The following TMEM51 variants were observed in gnomAD, a reference collection of about 807,000 sequenced individuals.
The protein encoded by TMEM51 is transmembrane protein 51, also known as chromosome 1 open reading frame 72.
Under a neutral mutation model 13.6 loss-of-function variants are expected in TMEM51, and 8 were observed. The observed-to-expected ratio is 0.59, with a 90% CI of 0.35 to 1.07. TMEM51 has a LOEUF of 1.07. Ranked by LOEUF, TMEM51 falls within the 50% of genes least tolerant of loss-of-function variation. The pLI, the probability that TMEM51 is intolerant of heterozygous loss-of-function variation, is 0.02. For missense variants in TMEM51, 279 were observed against 330.7 expected, an observed-to-expected ratio of 0.84 and a Z score of 1.21; for synonymous variants, 147 against 144.4, an observed-to-expected ratio of 1.02 and a Z score of -0.13.
chr1:15,153,029 C>G (rs1052537432), upstream of TMEM51, among the ~76,000 whole-genome samples: 18 of 152,356 alleles, frequency 1.2e-4, no homozygotes, highest in Middle Eastern at 6.8e-3. Context: ...CGGAATGGGC[C>G]CCACCTGGGC....
chr1:15,180,348 G>C (rs999949428), intron 1 of TMEM51, among the ~76,000 whole-genome samples: 2 of 152,234 alleles, frequency 1.3e-5, no homozygotes, highest in African/African-American at 4.8e-5. Flanking sequence ...GCAGATCCTG[G>C]CCATGTGCCG....
chr1:15,165,433 A>T (rs1353381311), intron 1 of TMEM51, among the ~76,000 whole-genome samples: 1 of 152,232 alleles, frequency 6.6e-6, no homozygotes, highest in Non-Finnish European at 1.5e-5. Context: ...GAAATCTAAA[A>T]TGTTTTAAAA....
At chr1:15,209,891 T>C (rs1023554919) in intron 1 of TMEM51, among the ~76,000 whole-genome samples, 2 of 151,766 alleles carry the variant, frequency 1.3e-5, no homozygotes, top group Non-Finnish European at 2.9e-5. Context: ...ATTAGCCAGG[T>C]GTGGGGGTGT....
intron 1 of TMEM51, among the ~76,000 whole-genome samples, chr1:15,163,368 G>A (rs1349452010): frequency 2.6e-5 from 4 of 152,002 alleles, no homozygotes; most frequent in Non-Finnish European, 5.9e-5. Flanking sequence ...ACTTCTTAGA[G>A]TCAGCCTCTG....
Position 15,169,982 on chromosome 1 carries a change from G to A in TMEM51, c.-267+16028G>A, listed in dbSNP as rs144893500. On this transcript the variant is annotated intron_variant, in intron 1 of 3. Coordinates refer to ENST00000376008, the MANE Select transcript of TMEM51 (RefSeq NM_001136218.2). ...CCCACAGAGAAACATGTATGACTTT[G>A]TATTAAAGTAACAGCTTTAAGTTCA... is the stretch of plus-strand genomic sequence containing the variant. 5.1e-3 allele frequency among the ~76,000 whole-genome samples: 778 copies of A among 152,142 alleles called. 5 individuals are homozygous for A. The highest frequency in any genetic ancestry group is 0.017 in the African/African-American group (718 of 41,514).
intron 1 of TMEM51, among the ~76,000 whole-genome samples, chr1:15,203,881 T>C (rs1023346641): frequency 4.6e-5 from 7 of 152,134 alleles, no homozygotes; most frequent in African/African-American, 1.4e-4. Flanking sequence ...CTTGTCTAGG[T>C]AATTACTAAG....
Position 15,219,567 on chromosome 1 carries a change from A to G in TMEM51, c.586A>G (p.Lys196Glu). ...TGACAGGCAGAACTCTAAGTTGGCC[A>G]AACGACTGAAACCGCTGAAAGTTCG... Reference protein sequence around the residue: ...PPDRQNSKLAKRLKPLKVRRI... With the variant: ...PPDRQNSKLAERLKPLKVRRI... Residue 196 changes from lysine to glutamate, a missense_variant, in exon 4 of 4, where the codon AAA becomes GAA. Lys to Glu is a moderately conservative substitution (Grantham distance 56). Transcript: ENST00000376008. The G allele has an allele frequency of 6.2e-7, 1 of 1,614,158 alleles. No individual in the cohort carries two copies. Among genetic ancestry groups the G allele is most frequent in the Non-Finnish European group, 8.5e-7 (1 of 1,180,028 alleles).
Position 15,166,663 on chromosome 1 carries a change from G to A in TMEM51, c.-267+12709G>A, listed in dbSNP as rs189117389. Among the ~76,000 whole-genome samples the A allele has an allele frequency of 1.8e-4, 28 of 152,280 alleles. No homozygotes were observed. The East Asian group carries it at 5.4e-3, about 29-fold the overall frequency. On this transcript the variant is annotated intron_variant, in intron 1 of 3. Transcript: ENST00000376008. ...GAACCCAGGAGGCGGAGGTTGTAGT[G>A]AGCCAAGATCAGAGCACTACACTCT... is the stretch of plus-strand genomic sequence containing the variant.
chr1:15,186,154 A>G (rs1350236324), intron 1 of TMEM51, among the ~76,000 whole-genome samples: 1 of 152,150 alleles, frequency 6.6e-6, no homozygotes, highest in Admixed American at 6.5e-5. Context: ...AAGCCTCCCT[A>G]CTTGTTTTCC....
intron 1 of TMEM51, among the ~76,000 whole-genome samples, chr1:15,160,779 C>A (rs546272711): frequency 7.3e-5 from 11 of 150,016 alleles, no homozygotes; most frequent in African/African-American, 2.2e-4. Flanking sequence ...TAAACACCGG[C>A]GCCATCACTT....
rs1285523265 is a variant in TMEM51 at position 15,219,926 on chromosome 1, C to T, written c.*183C>T. ...GTGACTTTGTTGCCCCACACAGCCTCCTGCTGCAGGTGCTTTGGAAAGAGA... is the reference window on the plus strand; with the variant it reads ...GTGACTTTGTTGCCCCACACAGCCTTCTGCTGCAGGTGCTTTGGAAAGAGA... On this transcript the variant is annotated 3_prime_UTR_variant, in exon 4 of 4. Transcript: ENST00000376008. 7.7e-6 allele frequency: 5 copies of T among 651,076 alleles called. No homozygotes were observed. The Admixed American group carries it at 1.5e-4, about 19-fold the overall frequency. 40.3% of individuals were successfully genotyped at this position (651,076 alleles called of 1,614,324 possible).
intron 1 of TMEM51, among the ~76,000 whole-genome samples, chr1:15,191,430 G>T (rs931327582): frequency 2.0e-5 from 3 of 152,242 alleles, no homozygotes; most frequent in Non-Finnish European, 2.9e-5. Context: ...TCTTGGGGCG[G>T]TGGGTAGCCG....
At chr1:15,190,803 T>G (rs1643907097) in intron 1 of TMEM51, among the ~76,000 whole-genome samples, 1 of 152,136 alleles carries the variant, frequency 6.6e-6, no homozygotes, top group Non-Finnish European at 1.5e-5. Flanking sequence ...GTTTTTGTTT[T>G]TTGAGACAGA....
intron 1 of TMEM51, among the ~76,000 whole-genome samples, chr1:15,164,806 CCT>C (rs1642929221): frequency 1.1e-5 from 1 of 94,426 alleles, no homozygotes; most frequent in East Asian, 4.0e-4. Context: ...TTTTTTTTTT[CCT>C]TTTTTTTTTT....
At chr1:15,194,087 G>A (rs6692220) in intron 1 of TMEM51, among the ~76,000 whole-genome samples, 135,114 of 152,290 alleles carry the variant, frequency 0.89, 60,025 homozygotes, top group East Asian at 0.96. Context: ...GACTAGAGAG[G>A]GCAGTGAACA....
At chr1:15,170,966 G>A (rs1447228879) in intron 1 of TMEM51, among the ~76,000 whole-genome samples, 8 of 152,096 alleles carry the variant, frequency 5.3e-5, no homozygotes, top group Admixed American at 2.0e-4. Flanking sequence ...CTGACCTCAT[G>A]ATCCGCCCGC....
chr1:15,198,919 G>A (rs906787021), intron 1 of TMEM51, among the ~76,000 whole-genome samples: 4 of 152,178 alleles, frequency 2.6e-5, no homozygotes, highest in African/African-American at 9.7e-5. Context: ...GGTCAACCCC[G>A]TTTCCGGCCC....
intron 1 of TMEM51, among the ~76,000 whole-genome samples, chr1:15,208,611 A>C (rs754108887): frequency 8.5e-5 from 13 of 152,194 alleles, no homozygotes; most frequent in Non-Finnish European, 1.6e-4. Flanking sequence ...TGTCTCTAAA[A>C]TAATTTTTTA....
At chr1:15,208,388 C>T (rs1027630754) in intron 1 of TMEM51, among the ~76,000 whole-genome samples, 7 of 151,986 alleles carry the variant, frequency 4.6e-5, no homozygotes, top group Non-Finnish European at 8.8e-5. Flanking sequence ...TTGGTAAGGC[C>T]GAAGCAGGAG....
Sources: gnomAD v4.1 joint callset for allele counts (sites outside exome capture counted in the v4.1 genomes callset) on GRCh38, gnomAD v4.1.1 for gene constraint, MANE v1.5 for transcripts, NCBI Gene and HGNC (gene_info 2026-07-23, HGNC 2026-07-21) for gene names.